ITPKC: variants seen among roughly 807,000 people sequenced by gnomAD.
ITPKC encodes inositol-trisphosphate 3-kinase C.
A neutral mutation model predicts 67.1 loss-of-function variants in ITPKC; 33 were observed. The observed-to-expected ratio is 0.49, with a 90% confidence interval of 0.37 to 0.66. ITPKC has a LOEUF of 0.66. ITPKC is among the 30% of genes least tolerant of loss of function. The probability of loss-of-function intolerance (pLI) is 0.00; values close to 1 mark genes in which losing one functional copy is unlikely to be tolerated. For synonymous variants in ITPKC, 341 were observed against 359.8 expected (o/e 0.95, Z 0.59); for missense variants, 820 against 892.1 (o/e 0.92, Z 1.03).
intron 3 of ITPKC, among the ~76,000 whole-genome samples, chr19:40,732,899 T>A (rs972237373): frequency 5.3e-5 from 8 of 152,168 alleles, no homozygotes; most frequent in African/African-American, 1.9e-4. Flanking sequence ...GTGTGGGAGG[T>A]AGGGATCAGG....
intron 1 of ITPKC, 126 bp downstream of exon 1, chr19:40,718,416 T>C (rs2082203861): frequency 8.0e-7 from 1 of 1,243,500 alleles, no homozygotes; most frequent in East Asian, 2.5e-5. Context: ...TCCGGGAACC[T>C]CTTCCATCCA....
chr19:40,736,666 G>A (rs572233087), intron 4 of ITPKC, among the ~76,000 whole-genome samples: 146 of 152,104 alleles, frequency 9.6e-4, no homozygotes, highest in African/African-American at 3.4e-3. Flanking sequence ...ACCACACTTG[G>A]CTAATTTTTT....
chr19:40,725,933 G>A (rs1169681818), intron 2 of ITPKC, among the ~76,000 whole-genome samples: 1 of 150,600 alleles, frequency 6.6e-6, no homozygotes, highest in Non-Finnish European at 1.5e-5. Context: ...GTGAGACCCC[G>A]TTTCAATTAA....
At chr19:40,722,414 T>A (rs2082226593) in intron 1 of ITPKC, among the ~76,000 whole-genome samples, 1 of 152,142 alleles carries the variant, frequency 6.6e-6, no homozygotes, top group Non-Finnish European at 1.5e-5. Context: ...TAATCATCTC[T>A]TCCCCAGGGC....
chr19:40,727,519 C>G (rs933027982), intron 2 of ITPKC, among the ~76,000 whole-genome samples: 6 of 152,114 alleles, frequency 3.9e-5, no homozygotes, highest in Admixed American at 3.9e-4. Flanking sequence ...TCCACAATAT[C>G]TGGGAACTCA....
At position 40,729,305 on chromosome 19, in the gene ITPKC, G is replaced by T; in HGVS notation, c.1359G>T (p.Val453=). The T allele has an allele frequency of 6.2e-7, 1 of 1,614,172 alleles. No individual in the cohort carries two copies. The highest frequency in any genetic ancestry group is 1.1e-5 in the South Asian group (1 of 91,080). ...TGAAAGACCCGCTGCGACCTTTCGT[G>T]CCTGCCTACTATGGCATGGTGCTGC... The part of the protein sequence containing the change: ...QLMKDPLRPF[V]PAYYGMVLQD... Residue 453 remains valine, a synonymous_variant, in exon 3 of 7, where the codon GTG becomes GTT. Transcript: ENST00000263370.
At chr19:40,718,877 G>A (rs1036683804) in intron 1 of ITPKC, among the ~76,000 whole-genome samples, 2 of 152,176 alleles carry the variant, frequency 1.3e-5, no homozygotes, top group Non-Finnish European at 2.9e-5. Flanking sequence ...TGGCCTAGCC[G>A]GGAGCCCACC....
At chr19:40,734,269 C>T (rs535260286) in intron 4 of ITPKC, among the ~76,000 whole-genome samples, 3 of 152,146 alleles carry the variant, frequency 2.0e-5, no homozygotes, top group Non-Finnish European at 2.9e-5. Context: ...CCCCTATAGA[C>T]AGACACCTGG....
intron 1 of ITPKC, among the ~76,000 whole-genome samples, chr19:40,722,423 G>A (rs1261723794): frequency 6.6e-6 from 1 of 152,176 alleles, no homozygotes; most frequent in African/African-American, 2.4e-5. Context: ...CTTCCCCAGG[G>A]CCGGCAGCTG....
At chr19:40,736,903 C>G in intron 4 of ITPKC, 83 bp from the exon 5 acceptor site, 1 of 885,530 alleles carries the variant, frequency 1.1e-6, no homozygotes, top group South Asian at 1.4e-5. Context: ...CGCCCGGCCT[C>G]CTGGGAGGTA....
chr19:40,730,534 C>T (rs774634036), intron 3 of ITPKC, among the ~76,000 whole-genome samples: 2 of 152,100 alleles, frequency 1.3e-5, no homozygotes, highest in Admixed American at 6.6e-5. Context: ...TGGGCTCAGG[C>T]GGTCCTTTCA....
rs768350375 is a variant in ITPKC, at chr19:40,735,439, C to CA, written c.1675-1545dup. On this transcript the variant is annotated intron_variant, in intron 4 of 6. Transcript: ENST00000263370. ...CACTGCAGCCTCAATCTCCTAAACT[C>CA]AAGTGATCCCCCCACCTCAGTCTTT... 2.0e-4 allele frequency among the ~76,000 whole-genome samples: 31 copies of CA among 151,972 alleles called. 1 individual carries two copies. In the East Asian group the frequency reaches 2.5e-3, roughly 12 times the overall value.
rs533200890 is a variant in ITPKC, at chr19:40,730,976, C to G, written c.1469+1561C>G. ...GGGACTCAGTCCCCAAGACTGCCCC[C>G]CAGTTACAGACACCAGTCATAAGTT... On this transcript the variant is annotated intron_variant, in intron 3 of 6. Coordinates refer to ENST00000263370, the MANE Select transcript of ITPKC (RefSeq NM_025194.3). Among the ~76,000 whole-genome samples the G allele has an allele frequency of 3.3e-5, 5 of 152,178 alleles. No homozygotes were observed. The South Asian group carries it at 1.0e-3, about 32-fold the overall frequency.
intron 1 of ITPKC, among the ~76,000 whole-genome samples, chr19:40,718,905 C>G (rs1219749585): frequency 6.6e-6 from 1 of 152,176 alleles, no homozygotes; most frequent in Non-Finnish European, 1.5e-5. Flanking sequence ...CCCTGTGACC[C>G]CTACATCCCC....
At chr19:40,737,677 A>C (rs774900515) in intron 5 of ITPKC, 21 bp from the exon 6 acceptor site, 4 of 1,612,948 alleles carry the variant, frequency 2.5e-6, no homozygotes, top group Non-Finnish European at 3.4e-6. Context: ...TGCTAACCAA[A>C]GAACGCTCCC....
intron 2 of ITPKC, 144 bp from the exon 3 acceptor site, chr19:40,729,058 A>G (rs1051281206): frequency 1.7e-6 from 1 of 571,654 alleles, no homozygotes; most frequent in Non-Finnish European, 3.1e-6. Flanking sequence ...TAAAATCATT[A>G]AAAAAAAAGT....
chr19:40,733,102 G>C, intron 3 of ITPKC, 58 bp from the exon 4 acceptor site: 1 of 1,476,524 alleles, frequency 6.8e-7, no homozygotes, highest in African/African-American at 1.4e-5. Context: ...TATCAGGAAG[G>C]GTAAGCCCTC....
chr19:40,726,687 C>T (rs961801461), intron 2 of ITPKC, among the ~76,000 whole-genome samples: 3 of 152,226 alleles, frequency 2.0e-5, no homozygotes, highest in African/African-American at 7.2e-5. Context: ...CCCCCTAAAA[C>T]TGTGTCAACA....
chr19:40,727,888 C>G (rs568722785), intron 2 of ITPKC, among the ~76,000 whole-genome samples: 16 of 152,282 alleles, frequency 1.1e-4, no homozygotes, highest in Non-Finnish European at 2.1e-4. Context: ...AGTCATAGCT[C>G]ATTGCAGCCT....
Sources: allele counts gnomAD v4.1 joint callset (sites outside exome capture counted in the v4.1 genomes callset), GRCh38; gene constraint gnomAD v4.1.1; transcripts MANE v1.5; gene names NCBI Gene and HGNC (gene_info 2026-07-23, HGNC 2026-07-21).